Variants in ITPR2 observed in about 807,000 individuals in gnomAD.
The protein encoded by ITPR2 is inositol 1,4,5-trisphosphate-gated calcium channel ITPR2.
A neutral mutation model predicts 317.1 loss-of-function variants in ITPR2; 207 were observed. That is an observed-to-expected ratio of 0.65 (90% CI 0.58 to 0.73). ITPR2 has a LOEUF of 0.73. Among genes scored for constraint, ITPR2 ranks in the 30% least tolerant of loss-of-function variants. The pLI is 0.00. For synonymous variants in ITPR2, 1,156 were observed against 1,149.1 expected (o/e 1.01, Z -0.12); for missense variants, 2,613 against 3,284.0 (o/e 0.80, Z 4.99).
chr12:26,475,942 AG>A (rs766590344), intron 44 of ITPR2, among the ~76,000 whole-genome samples: 18 of 152,322 alleles, frequency 1.2e-4, no homozygotes, highest in Non-Finnish European at 1.8e-4. Flanking sequence ...GGCCACAAGG[AG>A]GAAGGGGATG....
At chr12:26,755,890 G>C (rs1199592077) in intron 2 of ITPR2, among the ~76,000 whole-genome samples, 2 of 152,104 alleles carry the variant, frequency 1.3e-5, no homozygotes, top group African/African-American at 4.8e-5. Flanking sequence ...TTTCTAACAA[G>C]TCCAGGAACC....
At position 26,682,620 on chromosome 12, in the gene ITPR2, G is replaced by C. The variant is rs749430625; in HGVS notation, c.1202C>G (p.Thr401Ser). 2 of 1,612,964 alleles carry C rather than the reference G, an allele frequency of 1.2e-6. No individual in the cohort carries two copies. The highest frequency in any genetic ancestry group is 1.7e-6 in the Non-Finnish European group (2 of 1,179,236). The change falls in exon 12 of 57, where the codon ACT becomes AGT. Residue 401 changes from threonine to serine, a missense_variant. Thr to Ser is a moderately conservative substitution (Grantham distance 58, BLOSUM62 1). This residue lies in a region of ITPR2 where 515 missense variants were observed against 789.4 expected (regional missense o/e 0.65). Transcript: ENST00000381340. ...TTCATCTGTGTCTATGGGGATACTA[G>C]TACTGGTTACCCATGTGTTGGTGCA... ...HLCTNTWVTS[T>S]SIPIDTDEER...
intron 21 of ITPR2, among the ~76,000 whole-genome samples, chr12:26,633,937 A>G (rs1946807229): frequency 6.6e-6 from 1 of 152,180 alleles, no homozygotes; most frequent in South Asian, 2.1e-4. Flanking sequence ...CTTTAATCCA[A>G]ATGATTACTA....
Position 26,659,298 on chromosome 12 carries a change from A to C in ITPR2, c.1714-13T>G. On this transcript the variant is annotated splice_polypyrimidine_tract_variant and intron_variant, in intron 15 of 56. Transcript: ENST00000381340. ...TAGCAATATATTCCTGCAAAGAAGA[A>C]AGGCTGTCAGAATGCACTGCCAAAC... 6.2e-7 allele frequency: 1 copy of C among 1,611,564 alleles called. No individual in the cohort carries two copies. Among genetic ancestry groups the C allele is most frequent in the South Asian group, 1.1e-5 (1 of 90,718 alleles).
intron 26 of ITPR2, among the ~76,000 whole-genome samples, chr12:26,608,259 A>G (rs906261469): frequency 2.6e-5 from 4 of 152,258 alleles, no homozygotes; most frequent in Non-Finnish European, 4.4e-5. Context: ...CTGATAATAC[A>G]TAAGTTAATA....
intron 55 of ITPR2, among the ~76,000 whole-genome samples, chr12:26,347,464 G>T (rs977116730): frequency 2.0e-5 from 3 of 152,114 alleles, no homozygotes; most frequent in Admixed American, 1.3e-4. Flanking sequence ...ATTCCATAAG[G>T]TAGGGACTAT....
chr12:26,350,139 C>G (rs941499718), intron 55 of ITPR2, among the ~76,000 whole-genome samples: 5 of 152,100 alleles, frequency 3.3e-5, no homozygotes, highest in Admixed American at 6.6e-5. Flanking sequence ...CCTGAAGGCC[C>G]CTATCCCTAC....
At chr12:26,785,353 C>T (rs1168140447) in intron 2 of ITPR2, among the ~76,000 whole-genome samples, 1 of 40,718 alleles carries the variant, frequency 2.5e-5, no homozygotes, top group South Asian at 1.2e-3. Context: ...AGGTGAGGGG[C>T]GCCTCTGCCC....
In ITPR2 at chr12:26,561,788, AATCCCAAGCAGGCC is replaced by A; in HGVS notation, c.4781_4794del (p.Gly1594ValfsTer6). On this transcript the variant is annotated frameshift_variant, in exon 35 of 57. Coordinates refer to ENST00000381340, the MANE Select transcript of ITPR2 (RefSeq NM_002223.4). LOFTEE classifies it high-confidence loss of function. ...TGTAACTTTTCAATAATATTTCTGT[AATCCCAAGCAGGCC>A]CTCCAAGAGCTTCCTTAAAGCGTGG... 1.9e-6 allele frequency: 3 copies of A among 1,579,938 alleles called. No individual in the cohort carries two copies. The highest frequency in any genetic ancestry group is 2.6e-6 in the Non-Finnish European group (3 of 1,170,998).
Position 26,556,371 on chromosome 12 carries a change from A to G in ITPR2, c.4826T>C (p.Val1609Ala), listed in dbSNP as rs749543664. 3.1e-6 allele frequency: 5 copies of G among 1,612,042 alleles called. No homozygotes were observed. Among genetic ancestry groups the G allele is most frequent in the East Asian group, 2.2e-5 (1 of 44,824 alleles). The change falls in exon 36 of 57, where the codon GTA becomes GCA. Residue 1609 changes from valine (V) to alanine (A), a missense_variant. Physicochemically the swap from Val to Ala is moderately conservative, Grantham distance 64. This residue lies in a region of ITPR2 where 926 missense variants were observed against 1,072.8 expected (regional missense o/e 0.86). Transcript: ENST00000381340. The stretch of plus-strand genomic sequence containing the variant: ...GAACTGGTGCTCCAAGGAGGCCACT[A>G]CATCCTAGGGAATGAAACACAAGAG... The part of the protein sequence containing the change: ...YRNIIEKLQD[V>A]VASLEHQFSP...
chr12:26,435,851 G>C lies in ITPR2; in HGVS notation c.6769+370C>G, dbSNP rs138687730. Among the ~76,000 whole-genome samples, 4 of 152,134 alleles carry C rather than the reference G, an allele frequency of 2.6e-5. No homozygotes were observed. In the South Asian group the frequency reaches 6.2e-4, roughly 24 times the overall value. ...CCTTAGACAAGACAGAAAACAAAGA[G>C]AGTAAAATATAAACGCCAGTATTTA... On this transcript the variant is annotated intron_variant, in intron 48 of 56. Coordinates refer to ENST00000381340, the MANE Select transcript of ITPR2 (RefSeq NM_002223.4).
chr12:26,737,516 G>A (rs773022310), intron 2 of ITPR2, among the ~76,000 whole-genome samples: 42 of 152,238 alleles, frequency 2.8e-4, no homozygotes, highest in Non-Finnish European at 4.9e-4. Context: ...GCCTCCTAAA[G>A]TTCTGGGATT....
chr12:26,604,992 G>T (rs1248765159), intron 26 of ITPR2, among the ~76,000 whole-genome samples: 1 of 151,590 alleles, frequency 6.6e-6, no homozygotes, highest in Non-Finnish European at 1.5e-5. Flanking sequence ...GGAGGCTGAG[G>T]CAGGAGAATC....
chr12:26,429,406 A>C (rs1431456274), intron 48 of ITPR2, among the ~76,000 whole-genome samples: 1 of 152,204 alleles, frequency 6.6e-6, no homozygotes, highest in Non-Finnish European at 1.5e-5. Flanking sequence ...AACTGCTCTG[A>C]AAGTTACCTT....
At chr12:26,604,402 C>A (rs1946075848) in intron 26 of ITPR2, among the ~76,000 whole-genome samples, 1 of 152,222 alleles carries the variant, frequency 6.6e-6, no homozygotes, top group African/African-American at 2.4e-5. Flanking sequence ...GTGATATCCA[C>A]AAACCTGTCT....
chr12:26,567,957 TA>T (rs1374257189), intron 34 of ITPR2, among the ~76,000 whole-genome samples: 9 of 8,606 alleles, frequency 1.0e-3, no homozygotes, highest in East Asian at 3.2e-3. Flanking sequence ...ATATTATATA[TA>T]TATATATATA....
At chr12:26,673,081 C>A (rs1310590183) in intron 13 of ITPR2, among the ~76,000 whole-genome samples, 1 of 152,130 alleles carries the variant, frequency 6.6e-6, no homozygotes, top group Non-Finnish European at 1.5e-5. Context: ...GAGTCCAGGA[C>A]CAGATGGATT....
At chr12:26,561,559 TA>T (rs1347254795) in intron 35 of ITPR2, among the ~76,000 whole-genome samples, 1 of 152,198 alleles carries the variant, frequency 6.6e-6, no homozygotes, top group Non-Finnish European at 1.5e-5. Flanking sequence ...AAAACAGAGT[TA>T]TTAATATACA....
chr12:26,445,293 G>A (rs1941582331), intron 45 of ITPR2, among the ~76,000 whole-genome samples: 1 of 152,288 alleles, frequency 6.6e-6, no homozygotes, highest in Admixed American at 6.5e-5. Context: ...TAGACGAGGA[G>A]CGGGCTGTTG....
Sources: allele counts gnomAD v4.1 joint callset (sites outside exome capture counted in the v4.1 genomes callset), GRCh38; gene constraint gnomAD v4.1.1; regional missense constraint gnomAD v4.1.1; transcripts MANE v1.5; gene names NCBI Gene and HGNC (gene_info 2026-07-23, HGNC 2026-07-21).